Variants in MAML2 observed in about 807,000 individuals in gnomAD.
MAML2 encodes mastermind-like protein 2.
MAML2 carries 22 observed loss-of-function variants against 96.1 expected under a neutral mutation model. The ratio of observed to expected loss-of-function variants is 0.23; its 90% confidence interval spans 0.16 to 0.33. The LOEUF (loss-of-function observed/expected upper bound fraction) is 0.33, where lower values mean the gene tolerates loss of function less well. Ranked by LOEUF, MAML2 falls within the 10% of genes least tolerant of loss-of-function variation. The probability of loss-of-function intolerance (pLI) is 1.00; values close to 1 mark genes in which losing one functional copy is unlikely to be tolerated. For missense variants in MAML2, 1,367 were observed against 1,392.4 expected (o/e 0.98, Z 0.29); for synonymous variants, 561 against 521.3 (o/e 1.08, Z -1.04).
chr11:96,098,027 T>C (rs1485621180), intron 1 of MAML2, among the ~76,000 whole-genome samples: 2 of 152,190 alleles, frequency 1.3e-5, no homozygotes, highest in African/African-American at 4.8e-5. Flanking sequence ...CCTTGCCAAA[T>C]GCTGACAGTG....
rs565463319 is a variant in MAML2 at position 96,184,825 on chromosome 11, G to A, written c.514-91308C>T. Among the ~76,000 whole-genome samples, 31 of 152,104 alleles carry A rather than the reference G, an allele frequency of 2.0e-4. No homozygotes were observed. In the South Asian group the frequency reaches 6.2e-3, roughly 31 times the overall value. ...AGGATGTTCTCGACCTCCTGACCTC[G>A]TGATCCAAAAGTGAGACCTCGGCCT... On this transcript the variant is annotated intron_variant, in intron 1 of 4. Transcript: ENST00000524717.
In MAML2 at chr11:96,332,698, C is replaced by A. The variant is rs115815920; in HGVS notation, c.513+8685G>T. Among the ~76,000 whole-genome samples the A allele has an allele frequency of 1.4e-3, 215 of 152,292 alleles. 1 individual carries two copies. The highest frequency in any genetic ancestry group is 5.1e-3 in the African/African-American group (212 of 41,552). On this transcript the variant is annotated intron_variant, in intron 1 of 4. Coordinates refer to ENST00000524717, the MANE Select transcript of MAML2 (RefSeq NM_032427.4). Reference sequence around the variant, plus strand: ...AGTAGCACGGTGTGGCAATCAAATGCGCAAGACTTAGCCGGTTTAGCAAGT... The same window carrying A: ...AGTAGCACGGTGTGGCAATCAAATGAGCAAGACTTAGCCGGTTTAGCAAGT...
At chr11:95,998,294 AC>A (rs1858029866) in intron 2 of MAML2, among the ~76,000 whole-genome samples, 1 of 152,044 alleles carries the variant, frequency 6.6e-6, no homozygotes, top group Admixed American at 6.6e-5. Context: ...TGATCATTCA[AC>A]CTCTGCTAAA....
At chr11:96,249,898 C>T (rs888556225) in intron 1 of MAML2, among the ~76,000 whole-genome samples, 13 of 152,142 alleles carry the variant, frequency 8.5e-5, no homozygotes, top group Non-Finnish European at 1.8e-4. Context: ...TAGAATAAGA[C>T]CAAATCTTCG....
intron 1 of MAML2, among the ~76,000 whole-genome samples, chr11:96,316,136 G>C (rs539246412): frequency 1.3e-5 from 2 of 152,150 alleles, no homozygotes; most frequent in Non-Finnish European, 2.9e-5. Flanking sequence ...TAGAGGGATG[G>C]ATTTGTTAGG....
intron 1 of MAML2, among the ~76,000 whole-genome samples, chr11:96,232,307 G>A (rs1255074466): frequency 6.6e-6 from 1 of 152,180 alleles, no homozygotes; most frequent in African/African-American, 2.4e-5. Flanking sequence ...ATATAATTAA[G>A]TGAGAAATTG....
chr11:96,047,651 C>T (rs1858923103), intron 2 of MAML2, among the ~76,000 whole-genome samples: 1 of 151,984 alleles, frequency 6.6e-6, no homozygotes, highest in African/African-American at 2.4e-5. Context: ...TGGCTCATGC[C>T]TGTAATCCCA....
chr11:96,005,998 T>C (rs983495059), intron 2 of MAML2, among the ~76,000 whole-genome samples: 2 of 152,080 alleles, frequency 1.3e-5, no homozygotes, highest in African/African-American at 4.8e-5. Flanking sequence ...TGCACAAATA[T>C]AGTGACTGTG....
chr11:96,126,940 T>G (rs991841587), intron 1 of MAML2, among the ~76,000 whole-genome samples: 3 of 152,120 alleles, frequency 2.0e-5, no homozygotes, highest in African/African-American at 7.2e-5. Context: ...AGAAAAAGGC[T>G]TGAGCAGTAT....
At chr11:96,052,818 G>C (rs186269373) in intron 2 of MAML2, among the ~76,000 whole-genome samples, 93 of 152,300 alleles carry the variant, frequency 6.1e-4, no homozygotes, top group African/African-American at 2.2e-3. Context: ...GGTTTCTTTT[G>C]CTGGGGGTTA....
intron 2 of MAML2, among the ~76,000 whole-genome samples, chr11:96,008,274 C>A (rs1231433451): frequency 6.6e-6 from 1 of 152,024 alleles, no homozygotes; most frequent in Non-Finnish European, 1.5e-5. Context: ...GAAAACAGAT[C>A]CTTGATTTGA....
intron 1 of MAML2, among the ~76,000 whole-genome samples, chr11:96,288,000 G>A (rs900491596): frequency 7.2e-5 from 11 of 152,062 alleles, no homozygotes; most frequent in Admixed American, 3.9e-4. Context: ...GAGAGTAAGC[G>A]AAATGGTATC....
intron 1 of MAML2, among the ~76,000 whole-genome samples, chr11:96,320,694 G>A (rs1182946071): frequency 2.6e-5 from 4 of 152,210 alleles, no homozygotes; most frequent in African/African-American, 9.6e-5. Context: ...AGGTAGAGAT[G>A]TGTGTGTGTT....
chr11:96,010,685 G>T (rs1042006733), intron 2 of MAML2, among the ~76,000 whole-genome samples: 12 of 152,158 alleles, frequency 7.9e-5, no homozygotes, highest in African/African-American at 2.7e-4. Flanking sequence ...CACAAGAAAA[G>T]TTGCTTCATG....
chr11:96,152,418 T>A (rs1860938878), intron 1 of MAML2, among the ~76,000 whole-genome samples: 1 of 152,218 alleles, frequency 6.6e-6, no homozygotes, highest in Admixed American at 6.5e-5. Flanking sequence ...CAGTTGAAGT[T>A]CTGTCCAAAT....
chr11:96,085,301 C>G (rs894653541), intron 2 of MAML2, among the ~76,000 whole-genome samples: 1 of 152,082 alleles, frequency 6.6e-6, no homozygotes, highest in African/African-American at 2.4e-5. Flanking sequence ...TGTTTGAAAC[C>G]CAGAACTCCT....
intron 2 of MAML2, among the ~76,000 whole-genome samples, chr11:96,090,104 C>T (rs1303703527): frequency 6.6e-6 from 1 of 151,598 alleles, no homozygotes; most frequent in Non-Finnish European, 1.5e-5. Flanking sequence ...TAACTCATTG[C>T]TATCTCATTA....
chr11:96,251,986 C>G (rs891345635), intron 1 of MAML2, among the ~76,000 whole-genome samples: 1 of 152,104 alleles, frequency 6.6e-6, no homozygotes, highest in Non-Finnish European at 1.5e-5. Flanking sequence ...CCCGCCTCAG[C>G]CTCCCAAAGT....
At chr11:96,080,115 A>G (rs949914960) in intron 2 of MAML2, among the ~76,000 whole-genome samples, 4 of 152,236 alleles carry the variant, frequency 2.6e-5, no homozygotes, top group African/African-American at 9.6e-5. Context: ...TTATCCCTTC[A>G]TAAATTCTGA....
Sources: allele counts gnomAD v4.1 joint callset (sites outside exome capture counted in the v4.1 genomes callset), GRCh38; gene constraint gnomAD v4.1.1; transcripts MANE v1.5; gene names NCBI Gene and HGNC (gene_info 2026-07-23, HGNC 2026-07-21).